Variants in LIN28B observed in about 807,000 individuals in gnomAD.
LIN28B encodes the protein protein lin-28 homolog B.
A neutral mutation model predicts 21.9 loss-of-function variants in LIN28B; 5 were observed. That is an observed-to-expected ratio of 0.23 (90% CI 0.12 to 0.48). The LOEUF (loss-of-function observed/expected upper bound fraction) is 0.48, where lower values mean the gene tolerates loss of function less well. LIN28B is among the 20% of genes least tolerant of loss of function. The pLI is 0.98. For synonymous variants in LIN28B, 109 were observed against 111.3 expected (o/e 0.98, Z 0.13); for missense variants, 245 against 310.5 (o/e 0.79, Z 1.58).
At chr6:105,061,193 T>C (rs1379901089) in intron 3 of LIN28B, among the ~76,000 whole-genome samples, 1 of 152,162 alleles carries the variant, frequency 6.6e-6, no homozygotes, top group Non-Finnish European at 1.5e-5. Flanking sequence ...TAAGTTACCC[T>C]GCAATTTGAT....
chr6:104,952,345 A>G (rs1406293756), upstream of LIN28B, among the ~76,000 whole-genome samples: 3 of 152,218 alleles, frequency 2.0e-5, no homozygotes, highest in Admixed American at 6.5e-5. Context: ...TTCTGGGCAA[A>G]GTAATGTAAA....
At chr6:104,958,361 C>G in intron 2 of LIN28B, 75 bp downstream of exon 2, 1 of 1,178,932 alleles carries the variant, frequency 8.5e-7, no homozygotes, top group Non-Finnish European at 1.2e-6. Flanking sequence ...TGCCAATAGA[C>G]GTACGATAAG....
chr6:104,937,094 C>G (rs148314144), exon 2 of LIN28B: 1 of 152,272 alleles, frequency 6.6e-6, no homozygotes, highest in Non-Finnish European at 1.5e-5. Context: ...GCTGGGATTA[C>G]AAGCATGAGC....
intron 3 of LIN28B, among the ~76,000 whole-genome samples, chr6:105,040,177 A>G (rs1478095310): frequency 1.3e-5 from 2 of 152,184 alleles, no homozygotes; most frequent in East Asian, 1.9e-4. Context: ...AGTTACATCT[A>G]TAGATTTTAT....
intron 3 of LIN28B, among the ~76,000 whole-genome samples, chr6:105,050,603 C>T (rs1391641116): frequency 3.8e-4 from 9 of 23,654 alleles, no homozygotes; most frequent in East Asian, 7.3e-4. Flanking sequence ...AGCGAGACTC[C>T]GTCTCAAAAA....
chr6:105,001,944 A>G (rs1319713826), intron 2 of LIN28B, among the ~76,000 whole-genome samples: 8 of 152,184 alleles, frequency 5.3e-5, no homozygotes, highest in Non-Finnish European at 1.2e-4. Context: ...CTAAAATTGC[A>G]TATTTTTCTA....
At position 104,967,048 on chromosome 6, in the gene LIN28B, G is replaced by A. The variant is rs530330499; in HGVS notation, c.198+8762G>A. ...GCCAAAGTTACAGAGATTTACAGGC[G>A]TGAATCACCATGCCTGGCCTCACTC... On this transcript the variant is annotated intron_variant, in intron 2 of 3. Transcript: ENST00000345080. Among the ~76,000 whole-genome samples, 16 of 152,088 alleles carry A rather than the reference G, an allele frequency of 1.1e-4. No homozygotes were observed. In the South Asian group the frequency reaches 2.7e-3, roughly 26 times the overall value.
chr6:104,971,852 C>T (rs771084135), intron 2 of LIN28B, among the ~76,000 whole-genome samples: 2 of 152,036 alleles, frequency 1.3e-5, no homozygotes, highest in African/African-American at 2.4e-5. Flanking sequence ...CATGATCCTC[C>T]CTCATTTGTC....
At chr6:105,036,215 C>T (rs897862165) in intron 3 of LIN28B, among the ~76,000 whole-genome samples, 2 of 152,082 alleles carry the variant, frequency 1.3e-5, no homozygotes, top group Non-Finnish European at 2.9e-5. Context: ...CTTTATTTTA[C>T]ATTTGTTTGT....
At chr6:104,937,569 C>CT (rs1778025176) in intron 2 of LIN28B, among the ~76,000 whole-genome samples, 1 of 152,120 alleles carries the variant, frequency 6.6e-6, no homozygotes, top group South Asian at 2.1e-4. Context: ...CTGGCCAACT[C>CT]TATTTTTCAA....
At chr6:105,017,072 CAAAAAAAAAAAA>C (rs56179020) in intron 2 of LIN28B, among the ~76,000 whole-genome samples, 5 of 86,038 alleles carry the variant, frequency 5.8e-5, no homozygotes, top group Admixed American at 4.3e-4. Flanking sequence ...GACTCTGTCT[CAAAAAAAAAAAA>C]AAAAAAAAAG....
chr6:104,964,938 C>T (rs774407655), intron 2 of LIN28B, among the ~76,000 whole-genome samples: 8 of 152,016 alleles, frequency 5.3e-5, no homozygotes, highest in Non-Finnish European at 1.2e-4. Context: ...TTTTCTGTTA[C>T]CTGGAGTAAT....
At chr6:104,971,281 T>C (rs1769973169) in intron 2 of LIN28B, among the ~76,000 whole-genome samples, 1 of 152,082 alleles carries the variant, frequency 6.6e-6, no homozygotes, top group African/African-American at 2.4e-5. Context: ...CTAATAGGCA[T>C]TTTTGTTTAA....
chr6:104,974,635 G>A (rs888686984), intron 2 of LIN28B, among the ~76,000 whole-genome samples: 1 of 151,778 alleles, frequency 6.6e-6, no homozygotes, highest in African/African-American at 2.4e-5. Context: ...ATCTTAAAGA[G>A]TAATCTCTTT....
intron 2 of LIN28B, among the ~76,000 whole-genome samples, chr6:104,946,862 CA>C (rs572838889): frequency 1.2e-3 from 178 of 151,924 alleles, no homozygotes; most frequent in African/African-American, 4.1e-3. Flanking sequence ...ATAACAGAAA[CA>C]AAAAATTATC....
intron 3 of LIN28B, among the ~76,000 whole-genome samples, chr6:105,065,861 A>G (rs1473411307): frequency 6.6e-6 from 1 of 152,216 alleles, no homozygotes; most frequent in East Asian, 1.9e-4. Context: ...TACTAATTCA[A>G]TAATGTAATA....
At chr6:105,006,376 A>G (rs987847941) in intron 2 of LIN28B, among the ~76,000 whole-genome samples, 7 of 152,108 alleles carry the variant, frequency 4.6e-5, no homozygotes, top group African/African-American at 1.7e-4. Context: ...TTGTGGCACA[A>G]TCTCAGCTCA....
intron 2 of LIN28B, 57 bp downstream of exon 2, chr6:104,958,343 G>C (rs1562071361): frequency 1.5e-6 from 2 of 1,350,302 alleles, no homozygotes; most frequent in Non-Finnish European, 1.0e-6. Context: ...GGAGCTGATC[G>C]GTAGTTATGC....
chr6:105,009,148 T>C (rs1429746474), intron 2 of LIN28B, among the ~76,000 whole-genome samples: 1 of 152,148 alleles, frequency 6.6e-6, no homozygotes, highest in East Asian at 1.9e-4. Context: ...TCAAAATATA[T>C]GCACTGAAAG....
Sources: allele counts gnomAD v4.1 joint callset (sites outside exome capture counted in the v4.1 genomes callset), GRCh38; gene constraint gnomAD v4.1.1; transcripts MANE v1.5; gene names NCBI Gene and HGNC (gene_info 2026-07-23, HGNC 2026-07-21).